The following FBXL4 variants were observed in gnomAD, a reference collection of about 807,000 sequenced individuals.
FBXL4 encodes the protein F-box and leucine rich repeat protein 4.
FBXL4 carries 40 observed loss-of-function variants against 58.9 expected under a neutral mutation model. That is an observed-to-expected ratio of 0.68 (90% CI 0.53 to 0.88). The LOEUF (loss-of-function observed/expected upper bound fraction) is 0.88, where lower values mean the gene tolerates loss of function less well. Among genes scored for constraint, FBXL4 ranks in the 40% least tolerant of loss-of-function variants. The probability of loss-of-function intolerance (pLI) is 0.00; values close to 1 mark genes in which losing one functional copy is unlikely to be tolerated. For missense variants in FBXL4, 676 were observed against 734.4 expected, an observed-to-expected ratio of 0.92 and a Z score of 0.92; for synonymous variants, 263 against 265.5, an observed-to-expected ratio of 0.99 and a Z score of 0.09.
intron 1 of FBXL4, among the ~76,000 whole-genome samples, chr6:98,935,223 G>A (rs1489943515): frequency 6.7e-6 from 1 of 148,844 alleles, no homozygotes; most frequent in Non-Finnish European, 1.5e-5. Flanking sequence ...TCAATCTTTA[G>A]TAGCAAGAAA....
intron 5 of FBXL4, among the ~76,000 whole-genome samples, chr6:98,916,434 T>C (rs1433545211): frequency 1.3e-5 from 2 of 151,834 alleles, no homozygotes; most frequent in Non-Finnish European, 2.9e-5. Context: ...CCAACAATGA[T>C]AGACTGGATT....
intron 4 of FBXL4, among the ~76,000 whole-genome samples, chr6:98,923,577 C>T (rs952444101): frequency 1.3e-5 from 2 of 152,184 alleles, no homozygotes. Flanking sequence ...ACCCTCAGGT[C>T]CCAGGTAAGT....
chr6:98,913,244 AC>A (rs1772174962), intron 5 of FBXL4, among the ~76,000 whole-genome samples: 1 of 152,148 alleles, frequency 6.6e-6, no homozygotes, highest in Non-Finnish European at 1.5e-5. Flanking sequence ...TTAACACCCC[AC>A]TGTCAACATT....
intron 1 of FBXL4, among the ~76,000 whole-genome samples, chr6:98,942,000 G>A (rs2128413250): frequency 6.6e-6 from 1 of 150,714 alleles, no homozygotes; most frequent in East Asian, 1.9e-4. Flanking sequence ...ATGACCTAGA[G>A]CACATATACA....
At chr6:98,903,413 G>A (rs1047795817) in intron 6 of FBXL4, among the ~76,000 whole-genome samples, 1 of 152,002 alleles carries the variant, frequency 6.6e-6, no homozygotes, top group Non-Finnish European at 1.5e-5. Context: ...TACACTTAAA[G>A]GAATGCCATC....
chr6:98,901,930 G>C (rs1771627828), intron 6 of FBXL4, among the ~76,000 whole-genome samples: 2 of 152,068 alleles, frequency 1.3e-5, no homozygotes, highest in African/African-American at 4.8e-5. Flanking sequence ...TTTATGAGAG[G>C]ACCTAAGTCA....
At chr6:98,943,622 C>T (rs1773515475) in intron 1 of FBXL4, among the ~76,000 whole-genome samples, 1 of 141,928 alleles carries the variant, frequency 7.0e-6, no homozygotes, top group Non-Finnish European at 1.5e-5. Flanking sequence ...TCCAAATTGG[C>T]AAGGGGGAAG....
chr6:98,871,900 C>CA lies in FBXL4; in HGVS notation c.*2377dup, dbSNP rs1376319728. 2.6e-5 allele frequency: 4 copies of CA among 152,304 alleles called. No homozygotes were observed. Among genetic ancestry groups the CA allele is most frequent in the African/African-American group, 7.2e-5 (3 of 41,580 alleles). 9.4% of individuals were successfully genotyped at this position (152,304 alleles called of 1,614,324 possible). On this transcript the variant is annotated 3_prime_UTR_variant, in exon 10 of 10. Transcript: ENST00000369244. Reference sequence around the variant, plus strand: ...TTTTCTGAAAAAGAAGACATGTCCTCAATCACTATTATGGAACACTGAATG... The same window carrying CA: ...TTTTCTGAAAAAGAAGACATGTCCTCAAATCACTATTATGGAACACTGAATG...
At chr6:98,886,748 G>C (rs1251142344) in intron 7 of FBXL4, among the ~76,000 whole-genome samples, 1 of 152,148 alleles carries the variant, frequency 6.6e-6, no homozygotes, top group Admixed American at 6.5e-5. Flanking sequence ...TTCTGACCAG[G>C]AGGCATGGCC....
At chr6:98,937,715 C>A (rs1255128512) in intron 1 of FBXL4, among the ~76,000 whole-genome samples, 3 of 152,144 alleles carry the variant, frequency 2.0e-5, no homozygotes, top group African/African-American at 4.8e-5. Context: ...TTTGCTATTT[C>A]ATTTCTCCAA....
At chr6:98,901,597 T>G (rs1457785760) in intron 6 of FBXL4, among the ~76,000 whole-genome samples, 1 of 152,180 alleles carries the variant, frequency 6.6e-6, no homozygotes, top group Admixed American at 6.5e-5. Context: ...AATCCCATAT[T>G]GCATATTTTT....
At chr6:98,934,435 GC>G (rs1322737100) in intron 2 of FBXL4, among the ~76,000 whole-genome samples, 2 of 151,854 alleles carry the variant, frequency 1.3e-5, no homozygotes, top group East Asian at 3.9e-4. Context: ...GAAGAGACAG[GC>G]CGTAATATAA....
chr6:98,886,277 G>A (rs2128382433), intron 7 of FBXL4, among the ~76,000 whole-genome samples: 1 of 152,200 alleles, frequency 6.6e-6, no homozygotes, highest in African/African-American at 2.4e-5. Context: ...CCTTGCCTTA[G>A]GAGTAAATGA....
intron 5 of FBXL4, among the ~76,000 whole-genome samples, chr6:98,906,292 A>G (rs1286936728): frequency 2.0e-5 from 3 of 152,108 alleles, no homozygotes; most frequent in Non-Finnish European, 4.4e-5. Flanking sequence ...CGTCACCTAC[A>G]TTAGGTATTT....
intron 2 of FBXL4, among the ~76,000 whole-genome samples, chr6:98,930,033 TA>T (rs1310477308): frequency 6.6e-6 from 1 of 152,198 alleles, no homozygotes; most frequent in Non-Finnish European, 1.5e-5. Context: ...TAGGACCTGG[TA>T]AGAGCAAATG....
rs1367105967 is a variant in FBXL4 at position 98,926,680 on chromosome 6, C to T, written c.309G>A (p.Trp103Ter). 1 of 1,614,100 alleles carries T rather than the reference C, an allele frequency of 6.2e-7. No individual in the cohort carries two copies. Among genetic ancestry groups the T allele is most frequent in the Non-Finnish European group, 8.5e-7 (1 of 1,180,050 alleles). Residue 103 changes from tryptophan (W) to a stop codon, truncating the protein, a stop_gained, in exon 4 of 10, where the codon TGG becomes TGA. Coordinates refer to ENST00000369244, the MANE Select transcript of FBXL4 (RefSeq NM_001278716.2). LOFTEE classifies it high-confidence loss of function. ...QTAVFRTYGT[W>*]WDQCPSASLP... Reference sequence around the variant, plus strand: ...AGGAAGCACTAGGACACTGATCCCACCATGTCCCATAAGTTCGAAACACAG... The same window carrying T: ...AGGAAGCACTAGGACACTGATCCCATCATGTCCCATAAGTTCGAAACACAG...
intron 5 of FBXL4, among the ~76,000 whole-genome samples, chr6:98,916,830 T>TAA (rs11419555): frequency 5.0e-4 from 65 of 129,638 alleles, no homozygotes; most frequent in African/African-American, 1.1e-3. Context: ...AAAAAAAAAC[T>TAA]AAAAAAAAAA....
chr6:98,935,721 G>T (rs1038295001), intron 1 of FBXL4, among the ~76,000 whole-genome samples: 6 of 150,416 alleles, frequency 4.0e-5, no homozygotes, highest in African/African-American at 1.5e-4. Flanking sequence ...CCCGGGAAGC[G>T]GAGCTTGCAG....
rs75443976 is a variant in FBXL4 at position 98,901,373 on chromosome 6, G to T, written c.1104-1892C>A. ...AACAGTGAGACGGGGGATGCAGGAG[G>T]CGCAAAATGATGGCGAGATGAGTAG... On this transcript the variant is annotated intron_variant, in intron 6 of 9. Coordinates refer to ENST00000369244, the MANE Select transcript of FBXL4 (RefSeq NM_001278716.2). Among the ~76,000 whole-genome samples the T allele has an allele frequency of 4.6e-3, 707 of 152,134 alleles. 3 individuals are homozygous for T. The highest frequency in any genetic ancestry group is 8.6e-3 in the Non-Finnish European group (586 of 68,002).
Sources: gnomAD v4.1 joint callset for allele counts (sites outside exome capture counted in the v4.1 genomes callset) on GRCh38, gnomAD v4.1.1 for gene constraint, MANE v1.5 for transcripts, NCBI Gene and HGNC (gene_info 2026-07-23, HGNC 2026-07-21) for gene names.